DUSP4: variants seen among roughly 807,000 people sequenced by gnomAD.
DUSP4 encodes the protein dual specificity phosphatase 4.
A neutral mutation model predicts 27.2 loss-of-function variants in DUSP4; 12 were observed. That is an observed-to-expected ratio of 0.44 (90% CI 0.28 to 0.71). DUSP4 has a LOEUF of 0.71. Ranked by LOEUF, DUSP4 falls within the 30% of genes least tolerant of loss-of-function variation. The pLI is 0.14. For synonymous variants in DUSP4, 257 were observed against 245.2 expected (o/e 1.05, Z -0.45); for missense variants, 448 against 551.3 (o/e 0.81, Z 1.88).
chr8:29,348,804 G>A (rs748862095), intron 1 of DUSP4: 17 of 984,742 alleles, frequency 1.7e-5, no homozygotes, highest in South Asian at 4.7e-5. Flanking sequence ...GGTCTGAACT[G>A]CCTACCGGGC....
intron 1 of DUSP4, among the ~76,000 whole-genome samples, chr8:29,349,216 G>A (rs2117278927): frequency 6.6e-6 from 1 of 152,326 alleles, no homozygotes; most frequent in South Asian, 2.1e-4. Flanking sequence ...TCAGCCTCCC[G>A]CTCCCAGAGC....
chr8:29,336,852 G>T lies in DUSP4; in HGVS notation c.*174C>A. 1 of 884,680 alleles carries T rather than the reference G, an allele frequency of 1.1e-6. No individual in the cohort carries two copies. The highest frequency in any genetic ancestry group is 1.6e-6 in the Non-Finnish European group (1 of 606,466). The allele number at this position is 884,680 out of a possible 1,614,324, so 54.8% of individuals were successfully genotyped here. A position where few individuals can be genotyped will look rare whatever the true frequency, so the allele number is the denominator to read the frequency against. The stretch of plus-strand genomic sequence containing the variant: ...GGAGTGTTCTGTTTGCTTTTATTAT[G>T]TATTCGGAGTCCTTATTGCCATTCT... On this transcript the variant is annotated 3_prime_UTR_variant, in exon 4 of 4. Transcript: ENST00000240100.
At position 29,350,551 on chromosome 8, in the gene DUSP4, A is replaced by T; in HGVS notation, c.-273T>A. On this transcript the variant is annotated 5_prime_UTR_variant, in exon 1 of 4. Coordinates refer to ENST00000240100, the MANE Select transcript of DUSP4 (RefSeq NM_001394.7). ...GGCGCCGGTGGAGGAGAGTGTGTTTACGAGAGAGGACCGCGGACTCTTTTC... is the reference window on the plus strand; with the variant it reads ...GGCGCCGGTGGAGGAGAGTGTGTTTTCGAGAGAGGACCGCGGACTCTTTTC... 2.3e-6 allele frequency: 1 copy of T among 427,748 alleles called. No individual in the cohort carries two copies. Among genetic ancestry groups the T allele is most frequent in the South Asian group, 5.1e-5 (1 of 19,438 alleles). 26.5% of individuals were successfully genotyped at this position (427,748 alleles called of 1,614,324 possible).
In DUSP4 at chr8:29,333,724, A is replaced by G. The variant is rs1817529157; in HGVS notation, c.*3302T>C. Reference sequence around the variant, plus strand: ...AAACACACTGATGCCTGAGTCCCCCACCTAGAATTGGTTGAACTGGTCTAG... The same window carrying G: ...AAACACACTGATGCCTGAGTCCCCCGCCTAGAATTGGTTGAACTGGTCTAG... On this transcript the variant is annotated 3_prime_UTR_variant, in exon 4 of 4. Coordinates refer to ENST00000240100, the MANE Select transcript of DUSP4 (RefSeq NM_001394.7). The G allele has an allele frequency of 6.6e-6, 1 of 152,264 alleles. No homozygotes were observed. The highest frequency in any genetic ancestry group is 2.4e-5 in the African/African-American group (1 of 41,452). 9.4% of individuals were successfully genotyped at this position (152,264 alleles called of 1,614,324 possible).
chr8:29,345,382 A>G (rs776222566), intron 1 of DUSP4: 16 of 1,613,754 alleles, frequency 9.9e-6, no homozygotes, highest in Non-Finnish European at 1.4e-5. Flanking sequence ...TGAGACTCTG[A>G]ACACAGACAC....
chr8:29,339,495 G>A (rs1281361898), intron 2 of DUSP4, among the ~76,000 whole-genome samples: 1 of 152,180 alleles, frequency 6.6e-6, no homozygotes, highest in Admixed American at 6.5e-5. Context: ...CAGAGAGCAG[G>A]TCCCCCAGGG....
intron 1 of DUSP4, among the ~76,000 whole-genome samples, chr8:29,349,131 G>T (rs911155172): frequency 6.6e-6 from 1 of 152,214 alleles, no homozygotes; most frequent in Non-Finnish European, 1.5e-5. Context: ...AACAAAAGGT[G>T]ATCATTCTCC....
intron 1 of DUSP4, 48 bp from the exon 2 acceptor site, chr8:29,340,291 G>C (rs201411925): frequency 6.5e-7 from 1 of 1,546,414 alleles, no homozygotes; most frequent in African/African-American, 1.4e-5. Flanking sequence ...TAAGCCAGCA[G>C]GAAGTCAGAA....
At chr8:29,346,512 C>T (rs1304968727) in intron 1 of DUSP4, among the ~76,000 whole-genome samples, 2 of 152,026 alleles carry the variant, frequency 1.3e-5, no homozygotes, top group Non-Finnish European at 2.9e-5. Context: ...CAAGGATTTA[C>T]GAATGAGAGA....
At chr8:29,342,516 AGG>A (rs1252925302) in intron 1 of DUSP4, among the ~76,000 whole-genome samples, 1 of 152,184 alleles carries the variant, frequency 6.6e-6, no homozygotes, top group Non-Finnish European at 1.5e-5. Context: ...AACCGGGGAC[AGG>A]GTAATGCTGG....
At position 29,337,386 on chromosome 8, in the gene DUSP4, G is replaced by A. The variant is rs758412658; in HGVS notation, c.825C>T (p.Arg275=). 7.5e-6 allele frequency: 12 copies of A among 1,607,872 alleles called. No homozygotes were observed. Among genetic ancestry groups the A allele is most frequent in the Admixed American group, 3.3e-5 (2 of 59,932 alleles). Residue 275 remains arginine, a synonymous_variant, in exon 4 of 4, where the codon CGC becomes CGT. Transcript: ENST00000240100. This position sits in a 1 kb window ranked among gnomAD's most constrained non-coding sequence, Gnocchi z 6.4. ...TGCCCGCCTGGCAGTGCACCAGCAC[G>A]CGCCCACGGCAGTCCTTCACGGCAT... ...YIDAVKDCRG[R]VLVHCQAGIS... is the part of the protein sequence containing the mutation.
chr8:29,342,876 G>A (rs1448246343), intron 1 of DUSP4, among the ~76,000 whole-genome samples: 1 of 152,190 alleles, frequency 6.6e-6, no homozygotes, highest in Non-Finnish European at 1.5e-5. Flanking sequence ...AAGCAAAAAT[G>A]AACAAGGTGA....
At position 29,350,528 on chromosome 8, in the gene DUSP4, C is replaced by A; in HGVS notation, c.-250G>T. The A allele has an allele frequency of 1.9e-6, 1 of 518,736 alleles. No homozygotes were observed. Among genetic ancestry groups the A allele is most frequent in the Non-Finnish European group, 3.4e-6 (1 of 297,562 alleles). 32.1% of individuals were successfully genotyped at this position (518,736 alleles called of 1,614,324 possible). On this transcript the variant is annotated 5_prime_UTR_variant, in exon 1 of 4. Transcript: ENST00000240100. Reference sequence around the variant, plus strand: ...GCGGCGCGCAGAGCGGAGGGGGAGGCGCCGGTGGAGGAGAGTGTGTTTACG... The same window carrying A: ...GCGGCGCGCAGAGCGGAGGGGGAGGAGCCGGTGGAGGAGAGTGTGTTTACG...
chr8:29,340,503 TA>T (rs1817643447), intron 1 of DUSP4, among the ~76,000 whole-genome samples: 1 of 152,086 alleles, frequency 6.6e-6, no homozygotes, highest in East Asian at 1.9e-4. Flanking sequence ...GAGGTAGACA[TA>T]CAAAGGAAGA....
chr8:29,348,540 C>G (rs1817770632), intron 1 of DUSP4: 4 of 985,458 alleles, frequency 4.1e-6, no homozygotes, highest in South Asian at 9.4e-5. Flanking sequence ...AGCGTTTCCC[C>G]AGCAGCTGAC....
chr8:29,345,163 T>G (rs1817709765), intron 1 of DUSP4, among the ~76,000 whole-genome samples: 1 of 152,106 alleles, frequency 6.6e-6, no homozygotes, highest in Non-Finnish European at 1.5e-5. Context: ...TTTTCCCCAT[T>G]ATGCCCCCAA....
chr8:29,341,933 C>T (rs760683664), intron 1 of DUSP4, among the ~76,000 whole-genome samples: 2 of 152,246 alleles, frequency 1.3e-5, no homozygotes, highest in African/African-American at 2.4e-5. Flanking sequence ...ATATACTTCT[C>T]TAGGATTTGA....
chr8:29,338,195 T>A, intron 3 of DUSP4, 87 bp downstream of exon 3: 1 of 1,383,600 alleles, frequency 7.2e-7, no homozygotes, highest in South Asian at 1.2e-5. Context: ...GTGCCTCCAA[T>A]GTCCACCTTC....
At position 29,345,781 on chromosome 8, in the gene DUSP4, G is replaced by C. The variant is rs1368395355; in HGVS notation, c.433+4065C>G. The C allele has an allele frequency of 7.1e-6, 9 of 1,259,814 alleles. No homozygotes were observed. In the Admixed American group the frequency reaches 3.3e-4, roughly 47 times the overall value. The allele number at this position is 1,259,814 out of a possible 1,614,324, so 78.0% of individuals were successfully genotyped here. A position where few individuals can be genotyped will look rare whatever the true frequency, so the allele number is the denominator to read the frequency against. ...TCACTCTCAATTTACACCTACATCT[G>C]TCTTTAGTTACTTTTGTTAGTTGGA... On this transcript the variant is annotated intron_variant, in intron 1 of 3. Coordinates refer to ENST00000240100, the MANE Select transcript of DUSP4 (RefSeq NM_001394.7).
Sources: allele counts gnomAD v4.1 joint callset (sites outside exome capture counted in the v4.1 genomes callset), GRCh38; gene constraint gnomAD v4.1.1; non-coding constraint Gnocchi (gnomAD v3.1); transcripts MANE v1.5; gene names NCBI Gene and HGNC (gene_info 2026-07-23, HGNC 2026-07-21).